MED12L: variants seen among roughly 807,000 people sequenced by gnomAD.
The protein encoded by MED12L is mediator complex subunit 12L.
A neutral mutation model predicts 281.3 loss-of-function variants in MED12L; 60 were observed. The observed-to-expected ratio is 0.21, with a 90% CI of 0.17 to 0.26. The LOEUF (loss-of-function observed/expected upper bound fraction) is 0.26. Among genes scored for constraint, MED12L ranks in the 10% least tolerant of loss-of-function variants. The probability of loss-of-function intolerance (pLI) is 1.00; values close to 1 mark genes in which losing one functional copy is unlikely to be tolerated. For missense variants in MED12L, 2,146 were observed against 2,680.9 expected, an observed-to-expected ratio of 0.80 and a Z score of 4.41; for synonymous variants, 974 against 987.2, an observed-to-expected ratio of 0.99 and a Z score of 0.25.
chr3:151,099,511 T>C (rs758966274), intron 2 of MED12L, among the ~76,000 whole-genome samples: 1 of 152,238 alleles, frequency 6.6e-6, no homozygotes, highest in African/African-American at 2.4e-5. Flanking sequence ...AGTGGCATTA[T>C]TTTACATTTT....
At chr3:151,299,081 T>G (rs1199113471) in intron 16 of MED12L, among the ~76,000 whole-genome samples, 1 of 152,200 alleles carries the variant, frequency 6.6e-6, no homozygotes, top group South Asian at 2.1e-4. Context: ...TTCTATAACA[T>G]AAAGCTTAAT....
Position 151,260,181 on chromosome 3 carries a change from C to T in MED12L, c.2250+66515C>T, listed in dbSNP as rs530369998. Among the ~76,000 whole-genome samples the T allele has an allele frequency of 1.8e-4, 27 of 152,112 alleles. No homozygotes were observed. The East Asian group carries it at 2.5e-3, about 14-fold the overall frequency. On this transcript the variant is annotated intron_variant, in intron 16 of 44. Coordinates refer to ENST00000687756, the MANE Select transcript of MED12L (RefSeq NM_001393769.1). ...TGAGGGCTAGTAAACTTAATGGACA[C>T]GGTGTTTAAAAATAAAGAAAAGAGC...
In MED12L at chr3:151,384,091, T is replaced by G. The variant is rs762809197; in HGVS notation, c.4799T>G (p.Phe1600Cys). The G allele has an allele frequency of 2.5e-6, 4 of 1,612,490 alleles. No homozygotes were observed. Among genetic ancestry groups the G allele is most frequent in the Non-Finnish European group, 3.4e-6 (4 of 1,179,502 alleles). ...ATTATTTTCTTTCTTAGTGAATTATTCACAACAGTTCTTGACATGCTGGGT... is the reference window on the plus strand; with the variant it reads ...ATTATTTTCTTTCTTAGTGAATTATGCACAACAGTTCTTGACATGCTGGGT... ...TVDMHTNNEL[F>C]TTVLDMLGVL... Residue 1600 changes from phenylalanine to cysteine, a missense_variant, in exon 35 of 45, where the codon TTC (phenylalanine) becomes TGC (cysteine). Around this residue, in one of 9 missense-constraint regions of MED12L, gnomAD observed 212 missense variants for 340.8 expected, o/e 0.62. Transcript: ENST00000687756.
intron 16 of MED12L, among the ~76,000 whole-genome samples, chr3:151,220,507 T>G (rs532882308): frequency 6.6e-6 from 1 of 152,182 alleles, no homozygotes; most frequent in Non-Finnish European, 1.5e-5. Context: ...TCTCATCTTG[T>G]AGCTCCCGTA....
At chr3:151,223,635 T>C (rs1293520743) in intron 16 of MED12L, among the ~76,000 whole-genome samples, 1 of 152,106 alleles carries the variant, frequency 6.6e-6, no homozygotes, top group Non-Finnish European at 1.5e-5. Flanking sequence ...GAACTAAACA[T>C]TGGATACACA....
chr3:151,342,995 C>A (rs1274571896), intron 16 of MED12L, among the ~76,000 whole-genome samples: 1 of 152,084 alleles, frequency 6.6e-6, no homozygotes, highest in Non-Finnish European at 1.5e-5. Context: ...CCCATTCTGA[C>A]CTGTGCTGTC....
chr3:151,308,312 G>T (rs1420802350), intron 16 of MED12L, among the ~76,000 whole-genome samples: 3 of 151,970 alleles, frequency 2.0e-5, no homozygotes, highest in Admixed American at 2.0e-4. Flanking sequence ...CTATGTAGTT[G>T]TGAGTAATAA....
chr3:151,369,300 A>G (rs928034957), intron 25 of MED12L, 136 bp from the exon 26 acceptor site: 9 of 533,608 alleles, frequency 1.7e-5, no homozygotes, highest in Non-Finnish European at 2.4e-5. Flanking sequence ...TAGTGAATCC[A>G]TGAAGCATCA....
At chr3:151,305,013 T>C (rs1746458783) in intron 16 of MED12L, among the ~76,000 whole-genome samples, 1 of 152,188 alleles carries the variant, frequency 6.6e-6, no homozygotes, top group South Asian at 2.1e-4. Flanking sequence ...TGACTGATAC[T>C]TTTGCTCCAA....
intron 16 of MED12L, among the ~76,000 whole-genome samples, chr3:151,349,621 C>A (rs2150015508): frequency 1.3e-5 from 2 of 152,090 alleles, no homozygotes; most frequent in Middle Eastern, 3.4e-3. Context: ...AGGATCCTAG[C>A]AAGATATTTT....
At chr3:151,138,532 G>GA (rs1716476750) in intron 5 of MED12L, among the ~76,000 whole-genome samples, 3 of 152,050 alleles carry the variant, frequency 2.0e-5, no homozygotes, top group South Asian at 4.2e-4. Context: ...TCTTATTCAG[G>GA]ATATTATATT....
At chr3:151,312,094 G>A (rs991577268) in intron 16 of MED12L, among the ~76,000 whole-genome samples, 1 of 152,184 alleles carries the variant, frequency 6.6e-6, no homozygotes, top group African/African-American at 2.4e-5. Flanking sequence ...AATTTGTCTT[G>A]GAGCCGGTTT....
chr3:151,094,497 C>T (rs1045032979), intron 2 of MED12L, among the ~76,000 whole-genome samples: 3 of 152,108 alleles, frequency 2.0e-5, no homozygotes, highest in Non-Finnish European at 4.4e-5. Flanking sequence ...ACGTATTCCT[C>T]CCCAAAAAGG....
intron 16 of MED12L, among the ~76,000 whole-genome samples, chr3:151,293,620 G>A (rs866260560): frequency 1.2e-4 from 3 of 24,158 alleles, no homozygotes; most frequent in Non-Finnish European, 2.6e-4. Flanking sequence ...CACACACACG[G>A]TCCTAAAATG....
intron 16 of MED12L, among the ~76,000 whole-genome samples, chr3:151,226,119 G>A (rs1730442371): frequency 6.6e-6 from 1 of 152,148 alleles, no homozygotes; most frequent in Admixed American, 6.5e-5. Context: ...TATGACATGG[G>A]GTCATCATTG....
At chr3:151,128,055 T>A in intron 5 of MED12L, 71 bp downstream of exon 5, 9 of 1,332,224 alleles carry the variant, frequency 6.8e-6, no homozygotes, top group African/African-American at 2.9e-5. Flanking sequence ...CTGTACCCTC[T>A]GGATACAGCC....
At chr3:151,213,536 T>G in intron 16 of MED12L, 2 of 1,614,162 alleles carry the variant, frequency 1.2e-6, no homozygotes, top group Non-Finnish European at 1.7e-6. Context: ...TGAGCTTCGG[T>G]CTGACTCTTT....
At chr3:151,112,308 T>C (rs1174704401) in intron 2 of MED12L, among the ~76,000 whole-genome samples, 3 of 148,152 alleles carry the variant, frequency 2.0e-5, no homozygotes, top group Non-Finnish European at 4.5e-5. Context: ...TGAGATGGAG[T>C]CTCGCTCTGT....
At chr3:151,401,001 CA>C (rs1176710334) in intron 39 of MED12L, among the ~76,000 whole-genome samples, 1 of 152,120 alleles carries the variant, frequency 6.6e-6, no homozygotes, top group Non-Finnish European at 1.5e-5. Flanking sequence ...CATGATTTAG[CA>C]TTTTACTTTC....
Sources: gnomAD v4.1 joint callset for allele counts (sites outside exome capture counted in the v4.1 genomes callset) on GRCh38, gnomAD v4.1.1 for gene constraint, gnomAD v4.1.1 regional missense constraint, MANE v1.5 for transcripts, NCBI Gene and HGNC (gene_info 2026-07-23, HGNC 2026-07-21) for gene names.